GPC3: variants seen among roughly 807,000 people sequenced by gnomAD.
GPC3 encodes the protein glypican-3.
In GPC3, 3 loss-of-function variants were observed where a neutral mutation model predicts 34.4. The observed-to-expected ratio is 0.09, with a 90% CI of 0.04 to 0.23. The LOEUF is 0.23. GPC3 is among the 10% of genes least tolerant of loss of function. The pLI is 1.00. For synonymous variants in GPC3, 177 were observed against 174.0 expected (o/e 1.02, Z -0.13); for missense variants, 351 against 445.6 (o/e 0.79, Z 1.91).
chrX:133,958,726 A>AC (rs1460832203), intron 1 of GPC3, among the ~76,000 whole-genome samples: 1 of 103,584 alleles, frequency 9.7e-6, no homozygotes, highest in African/African-American at 3.5e-5. Flanking sequence ...AAAAAAAACA[A>AC]AAAAAAAAAA....
intron 1 of GPC3, among the ~76,000 whole-genome samples, chrX:133,973,873 G>A (rs1485774599): frequency 9.0e-6 from 1 of 111,598 alleles, no homozygotes; most frequent in African/African-American, 3.3e-5. Flanking sequence ...CACCATGTTG[G>A]AACCACTAAA....
intron 3 of GPC3, among the ~76,000 whole-genome samples, chrX:133,748,542 C>T (rs759155600): frequency 3.6e-5 from 4 of 111,175 alleles, no homozygotes; most frequent in African/African-American, 1.3e-4. Flanking sequence ...CACAAATCTT[C>T]TCTTTCCCCC....
chrX:133,580,236 C>T (rs1163292881), intron 7 of GPC3, among the ~76,000 whole-genome samples: 1 of 111,943 alleles, frequency 8.9e-6, no homozygotes, highest in Non-Finnish European at 1.9e-5. Context: ...AGACTACAAC[C>T]TCTCCTCGAA....
At chrX:133,710,097 T>G (rs2071253987) in intron 3 of GPC3, among the ~76,000 whole-genome samples, 1 of 112,271 alleles carries the variant, frequency 8.9e-6, no homozygotes, top group African/African-American at 3.2e-5. Flanking sequence ...TGTAATGTAT[T>G]ATAAATCAAG....
chrX:133,606,363 A>G (rs1034109450), intron 6 of GPC3, among the ~76,000 whole-genome samples: 3 of 112,393 alleles, frequency 2.7e-5, no homozygotes, highest in African/African-American at 9.7e-5. Context: ...TGGAGTCAGA[A>G]AACTTGGATT....
At chrX:133,949,865 G>A (rs2076384778) in intron 2 of GPC3, among the ~76,000 whole-genome samples, 1 of 112,091 alleles carries the variant, frequency 8.9e-6, no homozygotes, top group Admixed American at 9.5e-5. Context: ...TTAAGAACAA[G>A]GAAAGCCATG....
chrX:133,691,776 C>G (rs1314377367), intron 5 of GPC3, among the ~76,000 whole-genome samples: 1 of 111,706 alleles, frequency 9.0e-6, no homozygotes, highest in African/African-American at 3.3e-5. Flanking sequence ...GTGATTTCTT[C>G]AAATCAAATA....
At chrX:133,859,051 A>G (rs1209552505) in intron 2 of GPC3, among the ~76,000 whole-genome samples, 1 of 106,261 alleles carries the variant, frequency 9.4e-6, no homozygotes, top group Non-Finnish European at 1.9e-5. Context: ...ACTGCACTCC[A>G]GCCTGGGCGA....
chrX:133,947,773 C>T (rs1235904543), intron 2 of GPC3, among the ~76,000 whole-genome samples: 2 of 111,957 alleles, frequency 1.8e-5, no homozygotes, highest in Non-Finnish European at 3.8e-5. Flanking sequence ...CTTTGCTGTA[C>T]AGATGAGCGG....
At chrX:133,590,955 A>G (rs1396056298) in intron 7 of GPC3, among the ~76,000 whole-genome samples, 1 of 111,854 alleles carries the variant, frequency 8.9e-6, no homozygotes, top group Non-Finnish European at 1.9e-5. Context: ...CCTCTATTTC[A>G]CAAATGGAGA....
intron 3 of GPC3, among the ~76,000 whole-genome samples, chrX:133,737,075 A>T (rs1246534996): frequency 1.8e-5 from 2 of 112,366 alleles, no homozygotes; most frequent in Non-Finnish European, 3.8e-5. Context: ...CATGGAGTAA[A>T]CTTAAAAGCA....
At chrX:133,677,721 G>C (rs1369194661) in intron 5 of GPC3, among the ~76,000 whole-genome samples, 2 of 111,836 alleles carry the variant, frequency 1.8e-5, no homozygotes, top group Non-Finnish European at 3.8e-5. Context: ...CTAGCAAGGG[G>C]CTGAAATATC....
chrX:133,734,418 A>T (rs1372226962), intron 3 of GPC3, among the ~76,000 whole-genome samples: 1 of 111,494 alleles, frequency 9.0e-6, no homozygotes, highest in East Asian at 2.8e-4. Flanking sequence ...TTTATAAAAA[A>T]GTCACAGCTA....
At position 133,543,963 on chromosome X, in the gene GPC3, C is replaced by T. The variant is rs147278888; in HGVS notation, c.1574-7670G>A. Among the ~76,000 whole-genome samples the T allele has an allele frequency of 5.6e-3, 623 of 111,845 alleles. 5 individuals are homozygous for T. Among genetic ancestry groups the T allele is most frequent in the Middle Eastern group, 0.028 (6 of 217 alleles). ...CACTGTTAGAGGTTGGGTACGGTGGCTTACACCTTGTAATCCCAGGATTCT... is the reference window on the plus strand; with the variant it reads ...CACTGTTAGAGGTTGGGTACGGTGGTTTACACCTTGTAATCCCAGGATTCT... On this transcript the variant is annotated intron_variant, in intron 7 of 7. Coordinates refer to ENST00000370818, the MANE Select transcript of GPC3 (RefSeq NM_004484.4).
chrX:133,657,898 C>G (rs1271398276), intron 6 of GPC3, among the ~76,000 whole-genome samples: 2 of 85,551 alleles, frequency 2.3e-5, no homozygotes, highest in South Asian at 6.9e-4. Context: ...GGCATACATG[C>G]AGAGAGAGAG....
chrX:133,928,077 T>C (rs186186852), intron 2 of GPC3, among the ~76,000 whole-genome samples: 1 of 110,221 alleles, frequency 9.1e-6, no homozygotes, highest in East Asian at 2.9e-4. Context: ...TATCTGCTAC[T>C]TTGTATCATC....
chrX:133,698,504 T>G (rs951793383), intron 4 of GPC3, among the ~76,000 whole-genome samples: 1 of 112,106 alleles, frequency 8.9e-6, no homozygotes, highest in Admixed American at 9.5e-5. Context: ...ACCAAAGGAA[T>G]TCATTGTGTG....
intron 2 of GPC3, among the ~76,000 whole-genome samples, chrX:133,825,012 T>C (rs1226975925): frequency 1.8e-5 from 2 of 111,562 alleles, no homozygotes; most frequent in African/African-American, 6.5e-5. Context: ...TGTGCCACCA[T>C]GCCAAGCTAC....
chrX:133,898,154 C>T (rs1245935907), intron 2 of GPC3, among the ~76,000 whole-genome samples: 1 of 111,700 alleles, frequency 9.0e-6, no homozygotes, highest in Non-Finnish European at 1.9e-5. Flanking sequence ...GCCTCTCTCC[C>T]TTCCCACTTT....
Sources: allele counts gnomAD v4.1 joint callset (sites outside exome capture counted in the v4.1 genomes callset), GRCh38; gene constraint gnomAD v4.1.1; transcripts MANE v1.5; gene names NCBI Gene and HGNC (gene_info 2026-07-23, HGNC 2026-07-21).